Variants in CRYBG1 observed in about 807,000 individuals in gnomAD.
CRYBG1 encodes the protein crystallin beta-gamma domain containing 1.
In CRYBG1, 139 loss-of-function variants were observed where a neutral mutation model predicts 189.2. The observed-to-expected ratio is 0.73, with a 90% CI of 0.64 to 0.85. The LOEUF is 0.85. CRYBG1 is among the 40% of genes least tolerant of loss of function. The probability of loss-of-function intolerance (pLI) is 0.00; values close to 1 mark genes in which losing one functional copy is unlikely to be tolerated. For missense variants in CRYBG1, 2,611 were observed against 2,675.8 expected (o/e 0.98, Z 0.53); for synonymous variants, 1,023 against 1,017.1 (o/e 1.01, Z -0.11).
At chr6:106,493,727 C>T (rs751518511) in intron 2 of CRYBG1, among the ~76,000 whole-genome samples, 22 of 152,236 alleles carry the variant, frequency 1.4e-4, no homozygotes, top group African/African-American at 4.1e-4. Context: ...AACCAAACAC[C>T]GCATGTTCTC....
In CRYBG1 at chr6:106,361,048, C is replaced by T. The variant is rs1457336412; in HGVS notation, c.140C>T (p.Pro47Leu). The T allele has an allele frequency of 3.9e-6, 6 of 1,535,006 alleles. No individual in the cohort carries two copies. Among genetic ancestry groups the T allele is most frequent in the South Asian group, 1.2e-5 (1 of 84,038 alleles). ...PAPPDCGVFV[P>L]HPLPAPAGEA... ...CCGCCTGACTGTGGGGTGTTCGTTCCGCACCCGCTCCCGGCGCCTGCCGGA... is the reference window on the plus strand; with the variant it reads ...CCGCCTGACTGTGGGGTGTTCGTTCTGCACCCGCTCCCGGCGCCTGCCGGA... Residue 47 changes from proline (P) to leucine (L), a missense_variant, in exon 1 of 22, where the codon CCG becomes CTG. Physicochemically the swap from Pro to Leu is moderately conservative, Grantham distance 98. Transcript: ENST00000633556.
At chr6:106,557,675 C>T (rs376810717) in intron 17 of CRYBG1, among the ~76,000 whole-genome samples, 106 of 152,156 alleles carry the variant, frequency 7.0e-4, no homozygotes, top group African/African-American at 2.5e-3. Flanking sequence ...TCAAGTGATC[C>T]GTCCACCTCG....
chr6:106,416,229 C>A (rs1422990297), intron 1 of CRYBG1, among the ~76,000 whole-genome samples: 1 of 152,224 alleles, frequency 6.6e-6, no homozygotes, highest in Non-Finnish European at 1.5e-5. Flanking sequence ...TGTGGACCCA[C>A]GGAGTTCCAG....
At chr6:106,509,577 A>G (rs1443692075) in intron 2 of CRYBG1, among the ~76,000 whole-genome samples, 1 of 152,132 alleles carries the variant, frequency 6.6e-6, no homozygotes, top group Non-Finnish European at 1.5e-5. Flanking sequence ...AGGCGCTTCT[A>G]AGACCAGGAG....
At position 106,553,325 on chromosome 6, in the gene CRYBG1, A is replaced by T. The variant is rs1474343465; in HGVS notation, c.5473-130A>T. On this transcript the variant is annotated intron_variant, in intron 15 of 21. Coordinates refer to ENST00000633556, the MANE Select transcript of CRYBG1 (RefSeq NM_001371242.2). ...GAATGTAGACATGGAAAATTAAAGGATTTCTAAAATTCGTACCAGTTTACT... is the reference window on the plus strand; with the variant it reads ...GAATGTAGACATGGAAAATTAAAGGTTTTCTAAAATTCGTACCAGTTTACT... 1.4e-5 allele frequency: 9 copies of T among 622,934 alleles called. No homozygotes were observed. The African/African-American group carries it at 1.7e-4, about 12-fold the overall frequency. The allele number at this position is 622,934 out of a possible 1,614,324, so 38.6% of individuals were successfully genotyped here.
chr6:106,423,827 C>T (rs528977683), intron 1 of CRYBG1, among the ~76,000 whole-genome samples: 2 of 151,158 alleles, frequency 1.3e-5, no homozygotes, highest in Admixed American at 1.3e-4. Context: ...TGCCTCAGCC[C>T]CTCAGTGGCT....
Position 106,366,113 on chromosome 6 carries a change from T to C in CRYBG1, c.173+5032T>C, listed in dbSNP as rs973773699. Among the ~76,000 whole-genome samples the C allele has an allele frequency of 5.3e-5, 8 of 152,266 alleles. No homozygotes were observed. The South Asian group carries it at 1.7e-3, about 31-fold the overall frequency. On this transcript the variant is annotated intron_variant, in intron 1 of 21. Transcript: ENST00000633556. ...TCATTTAAAATGTTATTTGAAAGCATTCTGGAACTGTAGAGTGTTAGTCTT... is the reference window on the plus strand; with the variant it reads ...TCATTTAAAATGTTATTTGAAAGCACTCTGGAACTGTAGAGTGTTAGTCTT...
At position 106,471,814 on chromosome 6, in the gene CRYBG1, A is replaced by AAAG. The variant is rs1554238645; in HGVS notation, c.312+19991_312+19993dup. ...TTATGCCAGACAGTTAAAAAAAAAA[A>AAAG]AAGAAGAAGAAAATTAAGAGTCTTA... On this transcript the variant is annotated intron_variant, in intron 2 of 21. Transcript: ENST00000633556. Among the ~76,000 whole-genome samples the AAAG allele has an allele frequency of 4.6e-3, 692 of 149,940 alleles. 2 individuals carry two copies. Among genetic ancestry groups the AAAG allele is most frequent in the African/African-American group, 0.016 (644 of 40,788 alleles).
chr6:106,394,545 G>T lies in CRYBG1; in HGVS notation c.173+33464G>T, dbSNP rs1222866962. ...AATTCTAAGTAAACCGAACATGAGG[G>T]CACATTGACTTTTATTCCCAGCATT... On this transcript the variant is annotated intron_variant, in intron 1 of 21. Transcript: ENST00000633556. Among the ~76,000 whole-genome samples the T allele has an allele frequency of 5.1e-4, 77 of 152,162 alleles. 1 individual carries two copies.
chr6:106,563,716 TTACAGCTGGA>T, intron 20 of CRYBG1, 38 bp from the exon 21 acceptor site: 1 of 1,557,850 alleles, frequency 6.4e-7, no homozygotes, highest in Non-Finnish European at 8.8e-7. Context: ...GCTATGAGAC[TTACAGCTGGA>T]TACATATTTA....
chr6:106,368,382 T>A (rs543239342), intron 1 of CRYBG1, among the ~76,000 whole-genome samples: 1 of 152,272 alleles, frequency 6.6e-6, no homozygotes, highest in South Asian at 2.1e-4. Flanking sequence ...GTATTGAAAA[T>A]CTGTGTCTGG....
chr6:106,379,774 T>C (rs909827987), intron 1 of CRYBG1, among the ~76,000 whole-genome samples: 11 of 152,022 alleles, frequency 7.2e-5, no homozygotes, highest in African/African-American at 1.4e-4. Flanking sequence ...GTTGCCCAGC[T>C]TGAGGATTGC....
Position 106,519,683 on chromosome 6 carries a change from C to T in CRYBG1, c.2475C>T (p.Ser825=), listed in dbSNP as rs755350153. The change falls in exon 4 of 22, where the codon AGC becomes AGT. Residue 825 remains serine, a synonymous_variant. Transcript: ENST00000633556. The part of the protein sequence containing the change: ...KEDSEAADSK[S]LVLENVTDTA... ...ACTCAGAGGCTGCAGACAGCAAAAG[C>T]CTTGTACTTGAAAATGTAACCGATA... The T allele has an allele frequency of 1.2e-6, 2 of 1,614,034 alleles. No individual in the cohort carries two copies. The highest frequency in any genetic ancestry group is 1.7e-5 in the Admixed American group (1 of 59,998).
intron 2 of CRYBG1, among the ~76,000 whole-genome samples, chr6:106,483,393 T>TAC (rs1772513668): frequency 1.5e-5 from 2 of 131,012 alleles, no homozygotes; most frequent in East Asian, 2.5e-4. Context: ...TATATATAGA[T>TAC]ATATATATAA....
chr6:106,557,321 T>A (rs991789290), intron 17 of CRYBG1, among the ~76,000 whole-genome samples: 9 of 152,120 alleles, frequency 5.9e-5, no homozygotes, highest in African/African-American at 2.2e-4. Context: ...TCAGGACACA[T>A]CCACATAAAT....
Position 106,530,174 on chromosome 6 carries a change from A to T in CRYBG1, c.4579-2A>T. ...ACTATCTATGCATCTATATTTTTTCAGGATTACAGAGTTAGTCACATTGAC... is the reference window on the plus strand; with the variant it reads ...ACTATCTATGCATCTATATTTTTTCTGGATTACAGAGTTAGTCACATTGAC... On this transcript the variant is annotated splice_acceptor_variant, in intron 7 of 21. Coordinates refer to ENST00000633556, the MANE Select transcript of CRYBG1 (RefSeq NM_001371242.2). LOFTEE classifies it high-confidence loss of function. The T allele has an allele frequency of 6.2e-7, 1 of 1,604,700 alleles. No individual in the cohort carries two copies. Among genetic ancestry groups the T allele is most frequent in the East Asian group, 2.2e-5 (1 of 44,766 alleles).
In CRYBG1 at chr6:106,525,291, C is replaced by A; in HGVS notation, c.4317C>A (p.Asp1439Glu). ...PGKVVIYSEP[D>E]VSEKCIEVFS... ...AGGTAGTGATATATAGTGAACCCGACGTCTCTGAGAAGTGCATTGAAGTTT... is the reference window on the plus strand; with the variant it reads ...AGGTAGTGATATATAGTGAACCCGAAGTCTCTGAGAAGTGCATTGAAGTTT... Residue 1439 changes from aspartate (D) to glutamate (E), a missense_variant, in exon 6 of 22, where the codon GAC becomes GAA. By Grantham distance (45) the Asp-to-Glu change is conservative. Around this residue, in one of 3 missense-constraint regions of CRYBG1, gnomAD observed 1,622 missense variants for 1,735.0 expected, o/e 0.93. Coordinates refer to ENST00000633556, the MANE Select transcript of CRYBG1 (RefSeq NM_001371242.2). The A allele has an allele frequency of 5.0e-6, 8 of 1,614,104 alleles. No individual in the cohort carries two copies. Among genetic ancestry groups the A allele is most frequent in the Non-Finnish European group, 6.8e-6 (8 of 1,179,992 alleles).
intron 1 of CRYBG1, among the ~76,000 whole-genome samples, chr6:106,367,116 C>T (rs749756949): frequency 2.0e-5 from 3 of 152,146 alleles, no homozygotes; most frequent in African/African-American, 4.8e-5. Flanking sequence ...GTTTAGCATA[C>T]GATAATCATT....
At position 106,511,667 on chromosome 6, in the gene CRYBG1, G is replaced by C. The variant is rs765308922; in HGVS notation, c.550G>C (p.Gly184Arg). 2 of 1,535,690 alleles carry C rather than the reference G, an allele frequency of 1.3e-6. No homozygotes were observed. The highest frequency in any genetic ancestry group is 1.2e-5 in the South Asian group (1 of 84,048). The change falls in exon 3 of 22, where the codon GGC becomes CGC. Residue 184 changes from glycine to arginine, a missense_variant. Gly to Arg is a moderately radical substitution (Grantham distance 125, BLOSUM62 -2). Coordinates refer to ENST00000633556, the MANE Select transcript of CRYBG1 (RefSeq NM_001371242.2). ...GAAGCAAACGGACACAAGCGAGGAG[G>C]GCTCCCCGCGGGAGAATCCCCGAGA... ...QLKQTDTSEE[G>R]SPRENPREAE...
Sources: allele counts gnomAD v4.1 joint callset (sites outside exome capture counted in the v4.1 genomes callset), GRCh38; gene constraint gnomAD v4.1.1; regional missense constraint gnomAD v4.1.1; transcripts MANE v1.5; gene names NCBI Gene and HGNC (gene_info 2026-07-23, HGNC 2026-07-21).